AGBL4: variants seen among roughly 807,000 people sequenced by gnomAD.
AGBL4 encodes the protein AGBL carboxypeptidase 4.
In AGBL4, 58 loss-of-function variants were observed where a neutral mutation model predicts 66.4. The ratio of observed to expected loss-of-function variants is 0.87; its 90% CI spans 0.71 to 1.09. AGBL4 has a LOEUF of 1.09. AGBL4 is among the 50% of genes least tolerant of loss of function. AGBL4 has a pLI of 0.00. For missense variants in AGBL4, 579 were observed against 631.0 expected, an observed-to-expected ratio of 0.92 and a Z score of 0.88; for synonymous variants, 234 against 222.9, an observed-to-expected ratio of 1.05 and a Z score of -0.44.
intron 2 of AGBL4, chr1:49,842,090 G>A (rs189210450): frequency 1.5e-4 from 50 of 339,794 alleles, no homozygotes; most frequent in Admixed American, 7.1e-4. Flanking sequence ...CTGCATGCCC[G>A]ACCTCCTGAA....
intron 3 of AGBL4, among the ~76,000 whole-genome samples, chr1:49,404,288 A>C (rs1209532628): frequency 6.6e-6 from 1 of 152,168 alleles, no homozygotes; most frequent in Non-Finnish European, 1.5e-5. Flanking sequence ...TCTCTCTGAG[A>C]ACACACACAC....
At chr1:49,995,874 A>G (rs1270930782) in intron 1 of AGBL4, 2 of 152,582 alleles carry the variant, frequency 1.3e-5, no homozygotes, top group African/African-American at 4.8e-5. Context: ...CAGGAAATGG[A>G]TCATATCACA....
At position 49,085,832 on chromosome 1, in the gene AGBL4, C is replaced by T. The variant is rs140636594; in HGVS notation, c.378-40032G>A. On this transcript the variant is annotated intron_variant, in intron 4 of 13. Transcript: ENST00000371839. ...AGCTCCCCTGTTTCCCCCTACCACA[C>T]TTCTATACTGAGGCAGAGAGCCACC... Among the ~76,000 whole-genome samples the T allele has an allele frequency of 2.3e-3, 349 of 152,252 alleles. 3 individuals are homozygous for T. The highest frequency in any genetic ancestry group is 4.0e-3 in the Non-Finnish European group (272 of 68,018).
At chr1:49,310,491 A>G (rs1644924096) in intron 3 of AGBL4, among the ~76,000 whole-genome samples, 1 of 152,146 alleles carries the variant, frequency 6.6e-6, no homozygotes, top group South Asian at 2.1e-4. Flanking sequence ...AACTTAAAAT[A>G]TAAAAGATCA....
At chr1:48,644,700 A>C (rs1461680736) in intron 8 of AGBL4, among the ~76,000 whole-genome samples, 5 of 152,214 alleles carry the variant, frequency 3.3e-5, no homozygotes, top group Non-Finnish European at 4.4e-5. Context: ...TGGATGCAGG[A>C]AGGGGCAAGG....
At chr1:48,607,399 C>A (rs1308401220) in intron 9 of AGBL4, among the ~76,000 whole-genome samples, 1 of 152,024 alleles carries the variant, frequency 6.6e-6, no homozygotes, top group Non-Finnish European at 1.5e-5. Context: ...GGGCGGATCA[C>A]CTGAGTTCAG....
At chr1:49,592,517 C>T (rs139856666) in intron 3 of AGBL4, among the ~76,000 whole-genome samples, 127 of 152,172 alleles carry the variant, frequency 8.3e-4, no homozygotes, top group African/African-American at 2.7e-3. Context: ...TGCAGTGAAC[C>T]GAGATCATGC....
Position 49,381,991 on chromosome 1 carries a change from T to C in AGBL4, c.283-136127A>G, listed in dbSNP as rs569660651. On this transcript the variant is annotated intron_variant, in intron 3 of 13. Transcript: ENST00000371839. Reference sequence around the variant, plus strand: ...TGCACATGTACCCTAAAACTTAAAGTATAATAATAATAAAATAAAAATAAA... The same window carrying C: ...TGCACATGTACCCTAAAACTTAAAGCATAATAATAATAAAATAAAAATAAA... Among the ~76,000 whole-genome samples, 9 of 151,716 alleles carry C rather than the reference T, an allele frequency of 5.9e-5. No homozygotes were observed. In the East Asian group the frequency reaches 1.7e-3, roughly 29 times the overall value.
intron 3 of AGBL4, among the ~76,000 whole-genome samples, chr1:49,665,197 C>T (rs1646339245): frequency 6.6e-6 from 1 of 152,094 alleles, no homozygotes; most frequent in African/African-American, 2.4e-5. Context: ...ACCCTTACTT[C>T]CTATAGTACC....
intron 9 of AGBL4, among the ~76,000 whole-genome samples, chr1:48,602,116 G>A (rs1645081998): frequency 6.6e-6 from 1 of 152,116 alleles, no homozygotes; most frequent in Non-Finnish European, 1.5e-5. Context: ...CTGAATGCTT[G>A]GGGACACCTA....
chr1:49,564,102 T>C (rs1192605425), intron 3 of AGBL4, among the ~76,000 whole-genome samples: 1 of 152,164 alleles, frequency 6.6e-6, no homozygotes, highest in Non-Finnish European at 1.5e-5. Context: ...TGCGTAGAGG[T>C]GTTTATAGTA....
intron 1 of AGBL4, among the ~76,000 whole-genome samples, chr1:49,860,764 C>A (rs1325121520): frequency 2.0e-5 from 3 of 149,926 alleles, no homozygotes; most frequent in Non-Finnish European, 4.4e-5. Flanking sequence ...ATCCCCTTCC[C>A]CAGCAAAAAA....
intron 4 of AGBL4, among the ~76,000 whole-genome samples, chr1:49,095,186 G>T (rs1248896054): frequency 6.6e-6 from 1 of 152,096 alleles, no homozygotes. Flanking sequence ...AATAAAAGAG[G>T]ATACAAACAA....
chr1:49,710,325 A>G (rs1647553126), intron 2 of AGBL4, among the ~76,000 whole-genome samples: 1 of 152,204 alleles, frequency 6.6e-6, no homozygotes, highest in Non-Finnish European at 1.5e-5. Context: ...TATTCTCAGC[A>G]AACTAACACA....
intron 1 of AGBL4, among the ~76,000 whole-genome samples, chr1:49,974,228 A>G (rs996123382): frequency 6.6e-6 from 1 of 152,130 alleles, no homozygotes; most frequent in Non-Finnish European, 1.5e-5. Context: ...ATGAGGGGAA[A>G]CAGAAGTGAT....
chr1:49,734,927 C>G lies in AGBL4; in HGVS notation c.158-37490G>C, dbSNP rs562134933. Among the ~76,000 whole-genome samples, 45 of 152,024 alleles carry G rather than the reference C, an allele frequency of 3.0e-4. 2 individuals are homozygous for G. In the South Asian group the frequency reaches 8.7e-3, roughly 29 times the overall value. On this transcript the variant is annotated intron_variant, in intron 2 of 13. Coordinates refer to ENST00000371839, the MANE Select transcript of AGBL4 (RefSeq NM_032785.4). Reference sequence around the variant, plus strand: ...ATGATACAAGGATAGGCATATAGATCAATAGAACATATCTGAGAGTTGAAA... The same window carrying G: ...ATGATACAAGGATAGGCATATAGATGAATAGAACATATCTGAGAGTTGAAA...
chr1:48,865,230 T>C (rs1647912421), intron 6 of AGBL4, among the ~76,000 whole-genome samples: 1 of 152,138 alleles, frequency 6.6e-6, no homozygotes, highest in Non-Finnish European at 1.5e-5. Context: ...ATGAAAGTCC[T>C]TTTGACATGG....
chr1:49,747,094 A>C (rs1369736351), intron 2 of AGBL4, among the ~76,000 whole-genome samples: 4 of 152,190 alleles, frequency 2.6e-5, no homozygotes, highest in African/African-American at 9.6e-5. Flanking sequence ...TGAGTTAGTC[A>C]AACCCACTTT....
intron 3 of AGBL4, among the ~76,000 whole-genome samples, chr1:49,461,449 A>ATT (rs141884549): frequency 6.9e-5 from 10 of 145,448 alleles, no homozygotes; most frequent in South Asian, 6.5e-4. Flanking sequence ...GGAAGTTGTG[A>ATT]TTTTTTTTTT....
Sources: gnomAD v4.1 joint callset for allele counts (sites outside exome capture counted in the v4.1 genomes callset) on GRCh38, gnomAD v4.1.1 for gene constraint, MANE v1.5 for transcripts, NCBI Gene and HGNC (gene_info 2026-07-23, HGNC 2026-07-21) for gene names.